MSI2: variants seen among roughly 807,000 people sequenced by gnomAD.
MSI2 encodes RNA-binding protein Musashi homolog 2.
A neutral mutation model predicts 45.6 loss-of-function variants in MSI2; 17 were observed. The ratio of observed to expected loss-of-function variants is 0.37; its 90% CI spans 0.26 to 0.56. MSI2 has a LOEUF of 0.56. Among genes scored for constraint, MSI2 ranks in the 20% least tolerant of loss-of-function variants. MSI2 has a pLI of 0.77. For synonymous variants in MSI2, 156 were observed against 158.2 expected (o/e 0.99, Z 0.11); for missense variants, 293 against 444.2 (o/e 0.66, Z 3.06).
intron 7 of MSI2, among the ~76,000 whole-genome samples, chr17:57,595,019 CA>C (rs1459268467): frequency 6.6e-6 from 1 of 152,150 alleles, no homozygotes; most frequent in Non-Finnish European, 1.5e-5. Context: ...GGTTTGAGAG[CA>C]GATAGTAGCC....
intron 6 of MSI2, among the ~76,000 whole-genome samples, chr17:57,434,508 G>C (rs2084656772): frequency 6.6e-6 from 1 of 152,130 alleles, no homozygotes; most frequent in African/African-American, 2.4e-5. Flanking sequence ...ACTTTGTCCA[G>C]CATCTCCCTT....
In MSI2 at chr17:57,553,718, T is replaced by C. The variant is rs184425522; in HGVS notation, c.454+23994T>C. ...GCTCATGTGCCTTTGTGGCCATCCC[T>C]CCTCCTGGCCAAGAGATAACCGGTT... On this transcript the variant is annotated intron_variant, in intron 7 of 13. Transcript: ENST00000284073. 7.9e-5 allele frequency among the ~76,000 whole-genome samples: 12 copies of C among 152,258 alleles called. No individual in the cohort carries two copies. In the East Asian group the frequency reaches 2.1e-3, roughly 27 times the overall value.
intron 6 of MSI2, among the ~76,000 whole-genome samples, chr17:57,488,811 T>G: frequency 6.8e-6 from 1 of 147,518 alleles, no homozygotes; most frequent in African/African-American, 2.5e-5. Context: ...GCAACAAGAG[T>G]GAAACTCCGT....
intron 11 of MSI2, among the ~76,000 whole-genome samples, chr17:57,658,280 C>A (rs1911748454): frequency 6.6e-6 from 1 of 152,206 alleles, no homozygotes; most frequent in Admixed American, 6.5e-5. Flanking sequence ...AGGGGGAGAA[C>A]AAATCTCTGA....
chr17:57,504,214 C>T (rs761756393), intron 6 of MSI2, among the ~76,000 whole-genome samples: 4 of 152,206 alleles, frequency 2.6e-5, no homozygotes, highest in Non-Finnish European at 4.4e-5. Flanking sequence ...CCTCCCTTCC[C>T]GTGGTCTCCC....
At chr17:57,524,131 G>T (rs184938629) in intron 6 of MSI2, among the ~76,000 whole-genome samples, 25 of 152,350 alleles carry the variant, frequency 1.6e-4, no homozygotes, top group Non-Finnish European at 3.2e-4. Flanking sequence ...CATCAGGCTA[G>T]CCTGGGCATG....
intron 6 of MSI2, among the ~76,000 whole-genome samples, chr17:57,496,573 G>A (rs1189549090): frequency 6.6e-6 from 1 of 152,242 alleles, no homozygotes; most frequent in Non-Finnish European, 1.5e-5. Context: ...AAAGCCAGGT[G>A]TCTGGCTGCA....
chr17:57,308,356 T>C (rs376087947), intron 5 of MSI2, among the ~76,000 whole-genome samples: 44 of 152,332 alleles, frequency 2.9e-4, no homozygotes, highest in Admixed American at 5.9e-4. Context: ...GCTAGTTCTC[T>C]TCTAAATATC....
intron 6 of MSI2, among the ~76,000 whole-genome samples, chr17:57,409,832 C>T (rs759678736): frequency 3.9e-4 from 59 of 151,852 alleles, no homozygotes; most frequent in Non-Finnish European, 6.2e-4. Context: ...CATGGTGAAA[C>T]CCTGTCTCTA....
At chr17:57,530,689 T>C (rs1219882202) in intron 7 of MSI2, among the ~76,000 whole-genome samples, 3 of 152,130 alleles carry the variant, frequency 2.0e-5, no homozygotes, top group Non-Finnish European at 4.4e-5. Flanking sequence ...TTTAGATGTT[T>C]CCTGTGTTGT....
At position 57,602,422 on chromosome 17, in the gene MSI2, G is replaced by A. The variant is rs142969422; in HGVS notation, c.537+5472G>A. On this transcript the variant is annotated intron_variant, in intron 8 of 13. Coordinates refer to ENST00000284073, the MANE Select transcript of MSI2 (RefSeq NM_138962.4). The stretch of plus-strand genomic sequence containing the variant: ...GGCTGGAGTGCAGTGGCACGATCTC[G>A]GCTTACCACAACCTCTGCCTCCCAG... Among the ~76,000 whole-genome samples, 672 of 152,170 alleles carry A rather than the reference G, an allele frequency of 4.4e-3. 16 individuals carry two copies. The highest frequency in any genetic ancestry group is 0.035 in the Admixed American group (534 of 15,272).
chr17:57,470,631 A>C (rs905560206), intron 6 of MSI2, among the ~76,000 whole-genome samples: 2 of 152,204 alleles, frequency 1.3e-5, no homozygotes, highest in African/African-American at 4.8e-5. Flanking sequence ...GCCCAGACCT[A>C]GCTGGCAGAG....
At chr17:57,697,428 A>C in the MSI2 span, among the ~76,000 whole-genome samples, 1 of 150,942 alleles carries the variant, frequency 6.6e-6, no homozygotes, top group African/African-American at 2.4e-5. Context: ...TCTCCCCCTC[A>C]CTCGCAGACA....
At chr17:57,335,548 A>G (rs1233197557) in intron 5 of MSI2, among the ~76,000 whole-genome samples, 3 of 152,240 alleles carry the variant, frequency 2.0e-5, no homozygotes, top group African/African-American at 7.2e-5. Context: ...CTGGCCATTT[A>G]TAGCAAAGGA....
At chr17:57,374,669 C>T (rs1476209879) in intron 5 of MSI2, among the ~76,000 whole-genome samples, 3 of 152,112 alleles carry the variant, frequency 2.0e-5, no homozygotes, top group African/African-American at 4.8e-5. Flanking sequence ...ATCCCAGCTA[C>T]TCGGGAGGTT....
At chr17:57,658,815 G>C (rs935399654) in intron 11 of MSI2, among the ~76,000 whole-genome samples, 2 of 152,184 alleles carry the variant, frequency 1.3e-5, no homozygotes, top group South Asian at 2.1e-4. Context: ...CTCAGGCCCA[G>C]CTGTCTGGAG....
At chr17:57,472,001 TG>T (rs1317262374) in intron 6 of MSI2, among the ~76,000 whole-genome samples, 7 of 151,992 alleles carry the variant, frequency 4.6e-5, no homozygotes, top group Non-Finnish European at 1.0e-4. Context: ...GCAGAGGGGC[TG>T]AGGACGGCAG....
intron 6 of MSI2, among the ~76,000 whole-genome samples, chr17:57,429,010 C>T (rs761171065): frequency 5.3e-5 from 8 of 152,204 alleles, no homozygotes; most frequent in East Asian, 1.9e-4. Flanking sequence ...AGATCCCCCA[C>T]GCTTAAATAT....
chr17:57,398,687 A>G (rs974411443), intron 5 of MSI2, among the ~76,000 whole-genome samples: 3 of 152,228 alleles, frequency 2.0e-5, no homozygotes, highest in Non-Finnish European at 2.9e-5. Flanking sequence ...CTTGGCATAC[A>G]TTACTTAATT....
Sources: allele counts gnomAD v4.1 joint callset (sites outside exome capture counted in the v4.1 genomes callset), GRCh38; gene constraint gnomAD v4.1.1; transcripts MANE v1.5; gene names NCBI Gene and HGNC (gene_info 2026-07-23, HGNC 2026-07-21).